Variants in CEP89 observed in about 807,000 individuals in gnomAD.
The protein encoded by CEP89 is centrosomal protein 89.
CEP89 carries 95 observed loss-of-function variants against 97.6 expected under a neutral mutation model. The ratio of observed to expected loss-of-function variants is 0.97; its 90% CI spans 0.82 to 1.15. The LOEUF is 1.15. CEP89 is among the 50% of genes most tolerant of loss of function. The probability of loss-of-function intolerance (pLI) is 0.00; values close to 1 mark genes in which losing one functional copy is unlikely to be tolerated. For synonymous variants in CEP89, 354 were observed against 349.1 expected, an observed-to-expected ratio of 1.01 and a Z score of -0.16; for missense variants, 869 against 947.7, an observed-to-expected ratio of 0.92 and a Z score of 1.09.
At chr19:32,882,763 CCAAA>C (rs1226614990) in intron 17 of CEP89, among the ~76,000 whole-genome samples, 3 of 152,204 alleles carry the variant, frequency 2.0e-5, no homozygotes, top group African/African-American at 2.4e-5. Context: ...CTCTCTGTCA[CCAAA>C]CAGACAGCTG....
Position 32,918,245 on chromosome 19 carries a change from G to T in CEP89, c.1363C>A (p.His455Asn), listed in dbSNP as rs544449039. The change falls in exon 13 of 19, where the codon CAC (histidine) becomes AAC (asparagine). Residue 455 changes from histidine to asparagine, a missense_variant. Coordinates refer to ENST00000305768, the MANE Select transcript of CEP89 (RefSeq NM_032816.5). ...EIQQRKAKDSHQERLQEVSKL... is the reference protein window; with the variant it reads ...EIQQRKAKDSNQERLQEVSKL... ...TCACCTTCTTGGAGGCGCTCCTGGTGGCTGTCCTTGGCTTTCCTTTGCTGA... is the reference window on the plus strand; with the variant it reads ...TCACCTTCTTGGAGGCGCTCCTGGTTGCTGTCCTTGGCTTTCCTTTGCTGA... 1.7e-5 allele frequency: 27 copies of T among 1,614,002 alleles called. No individual in the cohort carries two copies. The Admixed American group carries it at 2.2e-4, about 13-fold the overall frequency.
At chr19:32,941,139 A>C (rs187008490) in intron 5 of CEP89, among the ~76,000 whole-genome samples, 2 of 152,320 alleles carry the variant, frequency 1.3e-5, no homozygotes, top group Non-Finnish European at 2.9e-5. Flanking sequence ...ACACATGCAA[A>C]AAATAGGTGA....
At chr19:32,913,960 A>T (rs1300594849) in intron 14 of CEP89, among the ~76,000 whole-genome samples, 2 of 152,134 alleles carry the variant, frequency 1.3e-5, no homozygotes, top group African/African-American at 2.4e-5. Context: ...TTAAAAAATA[A>T]AATTGTAATC....
At chr19:32,887,017 A>AC (rs201321925) in intron 17 of CEP89, among the ~76,000 whole-genome samples, 1,741 of 130,610 alleles carry the variant, frequency 0.013, 41 homozygotes, top group African/African-American at 0.046. Context: ...CTCTAAACAA[A>AC]AAAAAAAAAT....
chr19:32,902,551 AAC>A (rs1969803773), intron 14 of CEP89, among the ~76,000 whole-genome samples: 1 of 152,236 alleles, frequency 6.6e-6, no homozygotes, highest in Non-Finnish European at 1.5e-5. Flanking sequence ...CAGAAGAAAC[AAC>A]AGTTTTCGGA....
chr19:32,954,026 G>A (rs968456444), intron 3 of CEP89, among the ~76,000 whole-genome samples: 4 of 151,812 alleles, frequency 2.6e-5, no homozygotes, highest in East Asian at 1.9e-4. Flanking sequence ...CCACCACCGC[G>A]CCTGGCTAAT....
chr19:32,926,910 T>G (rs1464657243), intron 10 of CEP89, 24 bp downstream of exon 10: 2 of 1,607,378 alleles, frequency 1.2e-6, no homozygotes, highest in Non-Finnish European at 1.7e-6. Context: ...AATATGGGCC[T>G]GAAATTAAAT....
chr19:32,971,878 T>C lies in CEP89; in HGVS notation c.-4A>G. 2 of 1,587,860 alleles carry C rather than the reference T, an allele frequency of 1.3e-6. No individual in the cohort carries two copies. The highest frequency in any genetic ancestry group is 1.7e-6 in the Non-Finnish European group (2 of 1,165,788). ...CTCTCCGAAATCCCAGGAGCATCCT[T>C]GCAGCGCGAGGAGAATGGACCGGGG... is the stretch of plus-strand genomic sequence containing the variant. On this transcript the variant is annotated 5_prime_UTR_variant, in exon 1 of 19. Coordinates refer to ENST00000305768, the MANE Select transcript of CEP89 (RefSeq NM_032816.5).
In CEP89 at chr19:32,922,726, TA is replaced by T. The variant is rs542594636; in HGVS notation, c.1268+712del. 4.0e-3 allele frequency among the ~76,000 whole-genome samples: 611 copies of T among 151,794 alleles called. 1 individual carries two copies. The highest frequency in any genetic ancestry group is 0.014 in the African/African-American group (595 of 41,378). ...AGCCAGGTGTGGTGGCACGTGCCTG[TA>T]ATCCCAGCTACTCAGGAGGCTGAGG... On this transcript the variant is annotated intron_variant, in intron 12 of 18. Transcript: ENST00000305768.
Position 32,933,652 on chromosome 19 carries a change from G to A in CEP89, c.685C>T (p.Arg229Cys), listed in dbSNP as rs758497289. ...PPSPDITGRARQRYTEITREK... is the reference protein window; with the variant it reads ...PPSPDITGRACQRYTEITREK... ...CTGGTTATTTCTGTATATCTTTGACGTGCTCTACCAGTTATATCTGAAAGG... is the reference window on the plus strand; with the variant it reads ...CTGGTTATTTCTGTATATCTTTGACATGCTCTACCAGTTATATCTGAAAGG... The change falls in exon 8 of 19, where the codon CGT (arginine) becomes TGT (cysteine). Residue 229 changes from arginine to cysteine, a missense_variant. Transcript: ENST00000305768. 4.7e-5 allele frequency: 75 copies of A among 1,608,004 alleles called. No individual in the cohort carries two copies. The highest frequency in any genetic ancestry group is 5.5e-5 in the Non-Finnish European group (65 of 1,175,004).
chr19:32,924,219 C>T (rs183557687), intron 11 of CEP89, among the ~76,000 whole-genome samples: 1 of 152,154 alleles, frequency 6.6e-6, no homozygotes, highest in African/African-American at 2.4e-5. Flanking sequence ...TCTTGAACTC[C>T]TAGGCTCAAG....
At chr19:32,952,141 C>T (rs1208481902) in intron 4 of CEP89, among the ~76,000 whole-genome samples, 1 of 152,042 alleles carries the variant, frequency 6.6e-6, no homozygotes, top group Non-Finnish European at 1.5e-5. Flanking sequence ...GTTCATGAAA[C>T]AGCCACATAA....
At chr19:32,935,552 A>G (rs1970562057) in intron 7 of CEP89, among the ~76,000 whole-genome samples, 1 of 152,232 alleles carries the variant, frequency 6.6e-6, no homozygotes, top group Non-Finnish European at 1.5e-5. Context: ...CATGGCGCAG[A>G]AGTTGGAGCC....
At chr19:32,905,441 T>G (rs1412098805) in intron 14 of CEP89, among the ~76,000 whole-genome samples, 2 of 152,148 alleles carry the variant, frequency 1.3e-5, no homozygotes, top group African/African-American at 4.8e-5. Flanking sequence ...CCTTGAATAT[T>G]TGTAGAGCTC....
chr19:32,937,746 G>A (rs1405075541), intron 6 of CEP89, 73 bp from the exon 7 acceptor site: 14 of 1,001,324 alleles, frequency 1.4e-5, no homozygotes, highest in Non-Finnish European at 2.2e-5. Context: ...ACGCAGCTAG[G>A]TCATTAGACA....
Position 32,960,020 on chromosome 19 carries a change from G to A in CEP89, c.185C>T (p.Thr62Ile). 1.2e-6 allele frequency: 2 copies of A among 1,614,236 alleles called. No individual in the cohort carries two copies. Among genetic ancestry groups the A allele is most frequent in the Non-Finnish European group, 1.7e-6 (2 of 1,180,042 alleles). ...CTGAGGAATAGCAACCGTCCGCCCA[G>A]TCAATGTTGTCGCCAGAATGGCTGC... is the stretch of plus-strand genomic sequence containing the variant. The part of the protein sequence containing the change: ...LAAAILATTL[T>I]GRTVAIPQPR... The change falls in exon 3 of 19, where the codon ACT (threonine) becomes ATT (isoleucine). Residue 62 changes from threonine (T) to isoleucine (I), a missense_variant. Physicochemically the swap from Thr to Ile is moderately conservative, Grantham distance 89. Coordinates refer to ENST00000305768, the MANE Select transcript of CEP89 (RefSeq NM_032816.5).
chr19:32,882,423 C>T (rs1421902326), intron 17 of CEP89, among the ~76,000 whole-genome samples: 1 of 151,914 alleles, frequency 6.6e-6, no homozygotes, highest in African/African-American at 2.4e-5. Flanking sequence ...ATTAGCCAGG[C>T]GTTGTAGTGC....
At chr19:32,889,101 G>C (rs1969461024) in intron 16 of CEP89, among the ~76,000 whole-genome samples, 1 of 152,200 alleles carries the variant, frequency 6.6e-6, no homozygotes, top group African/African-American at 2.4e-5. Context: ...AGCTCCTGGA[G>C]ACCAGGATGG....
At chr19:32,900,888 CTTTTT>C (rs34188586) in intron 15 of CEP89, among the ~76,000 whole-genome samples, 2 of 138,162 alleles carry the variant, frequency 1.4e-5, no homozygotes, top group Non-Finnish European at 3.1e-5. Flanking sequence ...CTTCATTTGT[CTTTTT>C]TTTTTTTTTT....
Sources: allele counts gnomAD v4.1 joint callset (sites outside exome capture counted in the v4.1 genomes callset), GRCh38; gene constraint gnomAD v4.1.1; transcripts MANE v1.5; gene names NCBI Gene and HGNC (gene_info 2026-07-23, HGNC 2026-07-21).